The following IMMT variants were observed in gnomAD, a reference collection of about 807,000 sequenced individuals.
IMMT encodes inner membrane mitochondrial protein, also known as MICOS complex subunit MIC60.
A neutral mutation model predicts 92.7 loss-of-function variants in IMMT; 40 were observed. That is an observed-to-expected ratio of 0.43 (90% CI 0.34 to 0.56). The LOEUF is 0.56. IMMT is among the 20% of genes least tolerant of loss of function. The probability of loss-of-function intolerance (pLI) is 0.03; values close to 1 mark genes in which losing one functional copy is unlikely to be tolerated. For synonymous variants in IMMT, 322 were observed against 336.1 expected (o/e 0.96, Z 0.46); for missense variants, 831 against 912.1 (o/e 0.91, Z 1.14).
Position 86,144,166 on chromosome 2 carries a change from C to T in IMMT, c.*102G>A. 2 of 1,281,270 alleles carry T rather than the reference C, an allele frequency of 1.6e-6. No individual in the cohort carries two copies. Among genetic ancestry groups the T allele is most frequent in the Non-Finnish European group, 1.1e-6 (1 of 925,638 alleles). 79.4% of individuals were successfully genotyped at this position (1,281,270 alleles called of 1,614,324 possible). A position where few individuals can be genotyped will look rare whatever the true frequency, so the allele number is the denominator to read the frequency against. ...ATTTAGAACAGTACTTGTAAACCTG[C>T]TCATTTCTAGACAAGTCCGGGACTC... On this transcript the variant is annotated 3_prime_UTR_variant, in exon 15 of 15. Coordinates refer to ENST00000410111, the MANE Select transcript of IMMT (RefSeq NM_006839.3).
chr2:86,173,806 T>C (rs1677258371), intron 3 of IMMT, 45 bp from the exon 4 acceptor site: 1 of 1,023,990 alleles, frequency 9.8e-7, no homozygotes. Context: ...ACTACTGTTT[T>C]TTAAAAAGGT....
Position 86,180,415 on chromosome 2 carries a change from G to C in IMMT, c.120-793C>G, listed in dbSNP as rs188682904. On this transcript the variant is annotated intron_variant, in intron 2 of 14. Coordinates refer to ENST00000410111, the MANE Select transcript of IMMT (RefSeq NM_006839.3). ...CGAGTAGCTGGGATTACAGGCATGC[G>C]CCACTACGCCCGGCTAATTTTTTTA... Among the ~76,000 whole-genome samples, 641 of 151,828 alleles carry C rather than the reference G, an allele frequency of 4.2e-3. 5 individuals are homozygous for C. The highest frequency in any genetic ancestry group is 0.014 in the African/African-American group (583 of 41,490).
intron 11 of IMMT, 90 bp from the exon 12 acceptor site, chr2:86,151,610 G>T: frequency 1.0e-6 from 1 of 974,808 alleles, no homozygotes; most frequent in Non-Finnish European, 1.6e-6. Flanking sequence ...TATAATTTAA[G>T]AGCAGTAAAC....
chr2:86,176,505 G>A (rs1040145862), intron 3 of IMMT, among the ~76,000 whole-genome samples: 3 of 152,094 alleles, frequency 2.0e-5, no homozygotes, highest in African/African-American at 7.2e-5. Flanking sequence ...ATAGGGGTAC[G>A]GATAGTGGTA....
At position 86,156,622 on chromosome 2, in the gene IMMT, G is replaced by A. The variant is rs952768141; in HGVS notation, c.1162+1970C>T. Among the ~76,000 whole-genome samples, 22 of 148,132 alleles carry A rather than the reference G, an allele frequency of 1.5e-4. 1 individual carries two copies. In the East Asian group the frequency reaches 2.0e-3, roughly 13 times the overall value. ...AAAAAAAAAAAAAAAAAAGTTTTGC[G>A]ATAGGCACTTTCAAAAGCAGAAAAA... On this transcript the variant is annotated intron_variant, in intron 10 of 14. Transcript: ENST00000410111.
At chr2:86,186,430 G>C (rs908527685) in intron 1 of IMMT, among the ~76,000 whole-genome samples, 1 of 152,320 alleles carries the variant, frequency 6.6e-6, no homozygotes, top group African/African-American at 2.4e-5. Context: ...CCTTAAACAA[G>C]GGCAGGCCTT....
chr2:86,144,335 A>G lies in IMMT; in HGVS notation c.2210T>C (p.Ile737Thr), dbSNP rs1173115735. The G allele has an allele frequency of 3.1e-6, 5 of 1,613,736 alleles. No homozygotes were observed. Among genetic ancestry groups the G allele is most frequent in the South Asian group, 1.1e-5 (1 of 91,072 alleles). Residue 737 changes from isoleucine to threonine, a missense_variant, in exon 15 of 15, where the codon ATA becomes ACA. Coordinates refer to ENST00000410111, the MANE Select transcript of IMMT (RefSeq NM_006839.3). The part of the protein sequence containing the change: ...EARMTLETKQ[I>T]VEILTAYASA... ...GGCATATGCTGTCAGGATTTCCACTATCTGTTTCGTTTCTAGGGTCATTCG... is the reference window on the plus strand; with the variant it reads ...GGCATATGCTGTCAGGATTTCCACTGTCTGTTTCGTTTCTAGGGTCATTCG...
At chr2:86,193,441 G>A (rs1422539058) in intron 1 of IMMT, among the ~76,000 whole-genome samples, 1 of 150,428 alleles carries the variant, frequency 6.6e-6, no homozygotes, top group African/African-American at 2.4e-5. Flanking sequence ...GTTTAATAAA[G>A]TGGAAAGGAT....
chr2:86,154,371 A>G (rs969026169), intron 10 of IMMT, among the ~76,000 whole-genome samples: 14 of 151,086 alleles, frequency 9.3e-5, no homozygotes, highest in African/African-American at 3.4e-4. Flanking sequence ...GGGTTTCACT[A>G]TGTTGGCCAG....
Position 86,151,353 on chromosome 2 carries a change from C to T in IMMT, c.1345G>A (p.Val449Ile). ...CTGTGATGTTCTAATGCTTTTGCTA[C>T]TGCAGAGTCAAATGCCCGCTTTTCT... ...LEEKRAFDSA[V>I]AKALEHHRSE... is the part of the protein sequence containing the mutation. The change falls in exon 12 of 15, where the codon GTA becomes ATA. Residue 449 changes from valine (V) to isoleucine (I), a missense_variant. By Grantham distance (29) the Val-to-Ile change is conservative. Coordinates refer to ENST00000410111, the MANE Select transcript of IMMT (RefSeq NM_006839.3). The T allele has an allele frequency of 1.2e-6, 2 of 1,614,012 alleles. No homozygotes were observed. Among genetic ancestry groups the T allele is most frequent in the South Asian group, 1.1e-5 (1 of 91,082 alleles).
At chr2:86,186,418 TC>T (rs1359976619) in intron 1 of IMMT, among the ~76,000 whole-genome samples, 1 of 152,164 alleles carries the variant, frequency 6.6e-6, no homozygotes, top group Non-Finnish European at 1.5e-5. Flanking sequence ...TATGTACACT[TC>T]CCTTAAACAA....
intron 4 of IMMT, among the ~76,000 whole-genome samples, chr2:86,172,922 C>T (rs1475911010): frequency 6.6e-6 from 1 of 152,164 alleles, no homozygotes; most frequent in Non-Finnish European, 1.5e-5. Context: ...GTATTCCCTC[C>T]CACAATGTCT....
Position 86,153,583 on chromosome 2 carries a change from G to GC in IMMT, c.1163-10_1163-9insG, listed in dbSNP as rs1432935758. On this transcript the variant is annotated splice_polypyrimidine_tract_variant and intron_variant, in intron 10 of 14. Transcript: ENST00000410111. ...ACCTAAGTCTGAAACACCTACAAAG[G>GC]AAAAAATAGAACAGTTTGAAAAAAA... 6.9e-7 allele frequency: 1 copy of GC among 1,446,120 alleles called. No individual in the cohort carries two copies. The highest frequency in any genetic ancestry group is 1.5e-5 in the African/African-American group (1 of 68,916). 89.6% of individuals were successfully genotyped at this position (1,446,120 alleles called of 1,614,324 possible).
At chr2:86,174,656 C>G (rs1016224022) in intron 3 of IMMT, among the ~76,000 whole-genome samples, 10 of 152,106 alleles carry the variant, frequency 6.6e-5, no homozygotes, top group Non-Finnish European at 1.2e-4. Context: ...CAAAAGCTCT[C>G]GTATATACAC....
At position 86,161,991 on chromosome 2, in the gene IMMT, G is replaced by A. The variant is rs35233009; in HGVS notation, c.881C>T (p.Ala294Val). The A allele has an allele frequency of 3.0e-3, 4,824 of 1,594,460 alleles. 93 individuals are homozygous for A. Among genetic ancestry groups the A allele is most frequent in the South Asian group, 0.03 (2,609 of 87,800 alleles). ...RRKAVDEAADALLKAKEELEK... is the reference protein window; with the variant it reads ...RRKAVDEAADVLLKAKEELEK... The stretch of plus-strand genomic sequence containing the variant: ...GAGTAATTACTTGGCTTTGAGAAGG[G>A]CATCGGCAGCTTCATCTACTGCCTT... The change falls in exon 8 of 15, where the codon GCC (alanine) becomes GTC (valine). Residue 294 changes from alanine (A) to valine (V), a missense_variant. Ala to Val is a moderately conservative substitution (Grantham distance 64). Coordinates refer to ENST00000410111, the MANE Select transcript of IMMT (RefSeq NM_006839.3).
At chr2:86,175,303 AT>A (rs1232807422) in intron 3 of IMMT, among the ~76,000 whole-genome samples, 1 of 152,096 alleles carries the variant, frequency 6.6e-6, no homozygotes, top group Non-Finnish European at 1.5e-5. Flanking sequence ...ATTCATTCAA[AT>A]TCTTACTAGA....
rs1170808184 is a variant in IMMT, at chr2:86,147,822, G to A, written c.1413C>T (p.Val471=). 1 of 1,613,634 alleles carries A rather than the reference G, an allele frequency of 6.2e-7. No homozygotes were observed. The highest frequency in any genetic ancestry group is 2.2e-5 in the East Asian group (1 of 44,880). Residue 471 remains valine (V), a synonymous_variant, in exon 13 of 15, where the codon GTC becomes GTT. Coordinates refer to ENST00000410111, the MANE Select transcript of IMMT (RefSeq NM_006839.3). ...QAEQDRKIEE[V]RDAMENEMRT... is the part of the protein sequence containing the mutation. The stretch of plus-strand genomic sequence containing the variant: ...TCATTTCATTTTCCATGGCATCTCT[G>A]ACTTCTTCTATCTGTGAAACCAAAC...
At chr2:86,183,730 T>C (rs925833624) in intron 1 of IMMT, among the ~76,000 whole-genome samples, 3 of 152,212 alleles carry the variant, frequency 2.0e-5, no homozygotes, top group Admixed American at 1.3e-4. Flanking sequence ...ATGTGCATAT[T>C]CTCCTGACTT....
chr2:86,167,605 C>T (rs1030325575), intron 6 of IMMT, among the ~76,000 whole-genome samples: 1 of 151,662 alleles, frequency 6.6e-6, no homozygotes, highest in Non-Finnish European at 1.5e-5. Flanking sequence ...CTGCCTCAGC[C>T]TCCTGAGTAG....
Sources: gnomAD v4.1 joint callset for allele counts (sites outside exome capture counted in the v4.1 genomes callset) on GRCh38, gnomAD v4.1.1 for gene constraint, MANE v1.5 for transcripts, NCBI Gene and HGNC (gene_info 2026-07-23, HGNC 2026-07-21) for gene names.